Variants in GRK3 observed in about 807,000 individuals in gnomAD.
The protein encoded by GRK3 is G protein-coupled receptor kinase 3.
Under a neutral mutation model 95.7 loss-of-function variants are expected in GRK3, and 54 were observed. The ratio of observed to expected loss-of-function variants is 0.56; its 90% CI spans 0.45 to 0.71. The LOEUF (loss-of-function observed/expected upper bound fraction) is 0.71, where lower values mean the gene tolerates loss of function less well. GRK3 is among the 30% of genes least tolerant of loss of function. The probability of loss-of-function intolerance (pLI) is 0.00; values close to 1 mark genes in which losing one functional copy is unlikely to be tolerated. For missense variants in GRK3, 649 were observed against 851.2 expected (o/e 0.76, Z 2.96); for synonymous variants, 281 against 290.8 (o/e 0.97, Z 0.34).
chr22:25,567,146 A>G (rs1931520595), intron 1 of GRK3, among the ~76,000 whole-genome samples: 1 of 152,154 alleles, frequency 6.6e-6, no homozygotes, highest in South Asian at 2.1e-4. Context: ...ATGACATTTG[A>G]AAATTGAGAA....
chr22:25,671,529 G>A, intron 6 of GRK3, among the ~76,000 whole-genome samples: 1 of 152,166 alleles, frequency 6.6e-6, no homozygotes. Context: ...TGCCTCTTAG[G>A]ATTCTAGTCT....
chr22:25,637,340 C>T (rs1307180223), intron 2 of GRK3, among the ~76,000 whole-genome samples: 6 of 152,154 alleles, frequency 3.9e-5, no homozygotes, highest in Admixed American at 3.9e-4. Context: ...ATCATGTGAG[C>T]CAATTCCTGT....
chr22:25,691,965 A>G (rs1234444205), intron 12 of GRK3, among the ~76,000 whole-genome samples: 3 of 152,028 alleles, frequency 2.0e-5, no homozygotes, highest in African/African-American at 4.8e-5. Flanking sequence ...ACAAAATTTT[A>G]TATTTTTTAT....
intron 11 of GRK3, among the ~76,000 whole-genome samples, chr22:25,689,592 T>TTCATCTAACC (rs2085149162): frequency 2.0e-5 from 3 of 152,250 alleles, no homozygotes; most frequent in African/African-American, 7.2e-5. Context: ...TCTTCATGGA[T>TTCATCTAACC]ACATTTCATC....
chr22:25,596,346 G>A (rs1161467358), intron 1 of GRK3, among the ~76,000 whole-genome samples: 1 of 152,146 alleles, frequency 6.6e-6, no homozygotes, highest in East Asian at 1.9e-4. Flanking sequence ...TGTGATCTAT[G>A]AATAGAGTTT....
At chr22:25,612,999 C>G (rs1401305196) in intron 2 of GRK3, among the ~76,000 whole-genome samples, 1 of 151,892 alleles carries the variant, frequency 6.6e-6, no homozygotes, top group Non-Finnish European at 1.5e-5. Context: ...ACTTTTTTGT[C>G]AGTTTCAATG....
At chr22:25,673,096 C>G (rs1202039481) in intron 7 of GRK3, among the ~76,000 whole-genome samples, 1 of 137,250 alleles carries the variant, frequency 7.3e-6, no homozygotes. Flanking sequence ...GAGTCTCGCT[C>G]TGTCGCCCAG....
intron 4 of GRK3, among the ~76,000 whole-genome samples, chr22:25,663,183 T>C (rs2084920654): frequency 6.6e-6 from 1 of 152,098 alleles, no homozygotes; most frequent in South Asian, 2.1e-4. Flanking sequence ...GCCTGGCTCA[T>C]TTTTATTTTT....
chr22:25,667,678 T>G, intron 5 of GRK3, 61 bp from the exon 6 acceptor site: 3 of 1,215,230 alleles, frequency 2.5e-6, no homozygotes, highest in South Asian at 2.5e-5. Context: ...TCTCATTGGT[T>G]TGTGTTTTTT....
chr22:25,672,618 A>G (rs979300672), intron 7 of GRK3, among the ~76,000 whole-genome samples: 4 of 152,228 alleles, frequency 2.6e-5, no homozygotes, highest in South Asian at 2.1e-4. Flanking sequence ...AAATAGTAGT[A>G]AAAATACAAA....
At chr22:25,688,038 C>T (rs1195808398) in intron 11 of GRK3, among the ~76,000 whole-genome samples, 7 of 152,110 alleles carry the variant, frequency 4.6e-5, no homozygotes, top group Non-Finnish European at 1.0e-4. Flanking sequence ...AGATCAAGGC[C>T]ATCCTGGCTA....
At chr22:25,606,537 G>A (rs535825854) in intron 2 of GRK3, among the ~76,000 whole-genome samples, 34 of 152,184 alleles carry the variant, frequency 2.2e-4, no homozygotes, top group East Asian at 7.7e-4. Flanking sequence ...TTCCGTTTGC[G>A]CCTTCCATCA....
In GRK3 at chr22:25,704,095, C is replaced by A; in HGVS notation, c.1228-14C>A. 1.3e-6 allele frequency: 2 copies of A among 1,597,296 alleles called. No individual in the cohort carries two copies. The highest frequency in any genetic ancestry group is 1.7e-6 in the Non-Finnish European group (2 of 1,166,656). On this transcript the variant is annotated splice_polypyrimidine_tract_variant and intron_variant, in intron 14 of 20. Coordinates refer to ENST00000324198, the MANE Select transcript of GRK3 (RefSeq NM_005160.4). ...ATGAACGGATTTTTGAAATCTTACT[C>A]GTCTTTTCCCCAGAATGTGGAACTT...
At position 25,579,676 on chromosome 22, in the gene GRK3, G is replaced by A. The variant is rs188435967; in HGVS notation, c.113+14523G>A. On this transcript the variant is annotated intron_variant, in intron 1 of 20. Transcript: ENST00000324198. ...TTTAGTAGAGACGTGGTTTCACCGC[G>A]TTAGCCAGGATGGTCTCGATCTCCT... is the stretch of plus-strand genomic sequence containing the variant. Among the ~76,000 whole-genome samples, 50 of 151,976 alleles carry A rather than the reference G, an allele frequency of 3.3e-4. No homozygotes were observed. In the East Asian group the frequency reaches 8.3e-3, roughly 25 times the overall value.
intron 16 of GRK3, among the ~76,000 whole-genome samples, 177 bp downstream of exon 16, chr22:25,710,141 G>A (rs1202353822): frequency 3.3e-5 from 5 of 151,946 alleles, no homozygotes; most frequent in African/African-American, 7.3e-5. Context: ...CTTGTTACCC[G>A]AGAGTTACCA....
intron 1 of GRK3, among the ~76,000 whole-genome samples, chr22:25,572,508 C>T (rs945444265): frequency 6.6e-6 from 1 of 152,214 alleles, no homozygotes; most frequent in African/African-American, 2.4e-5. Flanking sequence ...CACATCCTCT[C>T]CAACACCTGT....
chr22:25,603,220 A>G (rs892208957), intron 1 of GRK3, among the ~76,000 whole-genome samples: 4 of 152,152 alleles, frequency 2.6e-5, no homozygotes, highest in Non-Finnish European at 5.9e-5. Flanking sequence ...CCTACCTAAC[A>G]ATATACTTTA....
chr22:25,638,972 G>A (rs1020851655), intron 2 of GRK3, among the ~76,000 whole-genome samples: 2 of 152,180 alleles, frequency 1.3e-5, no homozygotes, highest in Admixed American at 6.5e-5. Flanking sequence ...CTTACTGGCT[G>A]TTTCTATCCC....
intron 5 of GRK3, among the ~76,000 whole-genome samples, chr22:25,664,941 A>C (rs2084932372): frequency 6.6e-6 from 1 of 152,200 alleles, no homozygotes; most frequent in African/African-American, 2.4e-5. Flanking sequence ...TTTCTGTGAC[A>C]ATAATTAGAT....
Sources: allele counts gnomAD v4.1 joint callset (sites outside exome capture counted in the v4.1 genomes callset), GRCh38; gene constraint gnomAD v4.1.1; transcripts MANE v1.5; gene names NCBI Gene and HGNC (gene_info 2026-07-23, HGNC 2026-07-21).